TCP11L2: variants seen among roughly 807,000 people sequenced by gnomAD.
TCP11L2 encodes t-complex 11 like 2.
A neutral mutation model predicts 50.7 loss-of-function variants in TCP11L2; 39 were observed. That is an observed-to-expected ratio of 0.77 (90% CI 0.60 to 1.01). The LOEUF (loss-of-function observed/expected upper bound fraction) is 1.01, where lower values mean the gene tolerates loss of function less well. Among genes scored for constraint, TCP11L2 ranks in the 50% least tolerant of loss-of-function variants. The probability of loss-of-function intolerance (pLI) is 0.00; values close to 1 mark genes in which losing one functional copy is unlikely to be tolerated. For synonymous variants in TCP11L2, 192 were observed against 219.3 expected, an observed-to-expected ratio of 0.88 and a Z score of 1.10; for missense variants, 612 against 614.7, an observed-to-expected ratio of 1.00 and a Z score of 0.05.
chr12:106,300,246 C>A (rs768850028), upstream of TCP11L2, among the ~76,000 whole-genome samples: 52 of 152,008 alleles, frequency 3.4e-4, no homozygotes, highest in Non-Finnish European at 5.9e-5. Context: ...TGTCTGAGCC[C>A]TCTGAGCAAC....
At chr12:106,342,297 A>G (rs2036113993) in intron 9 of TCP11L2, among the ~76,000 whole-genome samples, 1 of 152,182 alleles carries the variant, frequency 6.6e-6, no homozygotes, top group South Asian at 2.1e-4. Flanking sequence ...TGCCCCCAGA[A>G]AGGAACAGTG....
rs753331344 is a variant in TCP11L2, at chr12:106,311,219, C to G, written c.144C>G (p.Ser48=). 1 of 1,613,810 alleles carries G rather than the reference C, an allele frequency of 6.2e-7. No individual in the cohort carries two copies. Among genetic ancestry groups the G allele is most frequent in the Non-Finnish European group, 8.5e-7 (1 of 1,179,930 alleles). The change falls in exon 2 of 10, where the codon TCC becomes TCG. Residue 48 remains serine (S), a synonymous_variant. Transcript: ENST00000299045. ...QSFASDSSSK[S]SSPASTSPPR... ...TTGCAAGTGACTCCTCCAGCAAATCCAGCTCTCCTGCTTGTGAGCCGATGG... is the reference window on the plus strand; with the variant it reads ...TTGCAAGTGACTCCTCCAGCAAATCGAGCTCTCCTGCTTGTGAGCCGATGG...
At chr12:106,341,863 A>G (rs948209731) in intron 9 of TCP11L2, among the ~76,000 whole-genome samples, 2 of 152,200 alleles carry the variant, frequency 1.3e-5, no homozygotes, top group African/African-American at 2.4e-5. Context: ...TAGCCTGACT[A>G]TGGTTCATGT....
At chr12:106,343,326 A>T (rs891491259) in intron 9 of TCP11L2, among the ~76,000 whole-genome samples, 2 of 152,214 alleles carry the variant, frequency 1.3e-5, no homozygotes, top group Non-Finnish European at 2.9e-5. Flanking sequence ...TCTGAAGGTC[A>T]GGCAACTAGT....
chr12:106,317,381 C>T (rs557979784), intron 3 of TCP11L2, among the ~76,000 whole-genome samples: 50 of 152,146 alleles, frequency 3.3e-4, no homozygotes, highest in Middle Eastern at 6.8e-3. Context: ...CTGGGTGTGG[C>T]AGTGCATGCC....
chr12:106,305,147 A>G (rs914063092), intron 1 of TCP11L2, among the ~76,000 whole-genome samples: 3 of 152,046 alleles, frequency 2.0e-5, no homozygotes, highest in Admixed American at 6.5e-5. Context: ...ACTGCTGTGA[A>G]CCCTTGGGCA....
In TCP11L2 at chr12:106,318,480, G is replaced by T. The variant is rs768039829; in HGVS notation, c.414+16G>T. 6.8e-6 allele frequency: 11 copies of T among 1,612,446 alleles called. No individual in the cohort carries two copies. Among genetic ancestry groups the T allele is most frequent in the Non-Finnish European group, 9.3e-6 (11 of 1,178,932 alleles). On this transcript the variant is annotated intron_variant, in intron 4 of 9. Coordinates refer to ENST00000299045, the MANE Select transcript of TCP11L2 (RefSeq NM_152772.3). ...AATCAGAGAGGCAAGTTGCTTTGTT[G>T]TCTGTGTCAGTTAGCGTCTTACTCC...
intron 8 of TCP11L2, among the ~76,000 whole-genome samples, chr12:106,337,809 T>G (rs2035968434): frequency 6.6e-6 from 1 of 152,364 alleles, no homozygotes. Context: ...GCACGTAATA[T>G]GTACTCAATG....
intron 6 of TCP11L2, among the ~76,000 whole-genome samples, chr12:106,326,570 A>G (rs1330217336): frequency 6.6e-6 from 1 of 152,196 alleles, no homozygotes; most frequent in African/African-American, 2.4e-5. Flanking sequence ...CCACTTTAGT[A>G]GTCTATGCAA....
At chr12:106,313,582 A>AAAATAAAAAAAT (rs2034941436) in intron 2 of TCP11L2, among the ~76,000 whole-genome samples, 1 of 139,334 alleles carries the variant, frequency 7.2e-6, no homozygotes, top group South Asian at 2.3e-4. Context: ...CCATCTCAAA[A>AAAATAAAAAAAT]AAATAAATAA....
chr12:106,328,408 G>A (rs138591913), intron 6 of TCP11L2, among the ~76,000 whole-genome samples: 1 of 152,356 alleles, frequency 6.6e-6, no homozygotes, highest in Non-Finnish European at 1.5e-5. Context: ...GCCGGGTGTG[G>A]TGGCGCGTGC....
rs150899007 is a variant in TCP11L2 at position 106,335,671 on chromosome 12, G to T, written c.805G>T (p.Glu269Ter). ...TGATCAGACTACAGAATGGATAAAA[G>T]AATCTGTAAATGAAGAATTATTTTC... ...ALDQTTEWIK[E>*]SVNEELFSLS... The change falls in exon 7 of 10, where the codon GAA becomes TAA. Residue 269 changes from glutamate to a stop codon, truncating the protein, a stop_gained. Transcript: ENST00000299045. LOFTEE classifies it high-confidence loss of function. 2.5e-5 allele frequency: 40 copies of T among 1,614,002 alleles called. No homozygotes were observed. Among genetic ancestry groups the T allele is most frequent in the Non-Finnish European group, 3.2e-5 (38 of 1,180,022 alleles).
At chr12:106,321,060 A>AT (rs1243256440) in intron 4 of TCP11L2, among the ~76,000 whole-genome samples, 3 of 151,932 alleles carry the variant, frequency 2.0e-5, no homozygotes, top group African/African-American at 7.3e-5. Context: ...AAGTTTGGTG[A>AT]TTTTTTTTGT....
chr12:106,300,760 G>T (rs771334665), upstream of TCP11L2, among the ~76,000 whole-genome samples: 6 of 152,152 alleles, frequency 3.9e-5, no homozygotes, highest in Non-Finnish European at 8.8e-5. Context: ...TCTTATCTCA[G>T]CTTGGTTCTC....
At chr12:106,325,541 CTGTT>C (rs1387144482) in intron 6 of TCP11L2, 1 of 152,220 alleles carries the variant, frequency 6.6e-6, no homozygotes, top group Non-Finnish European at 1.5e-5. Context: ...TTGGATTTGA[CTGTT>C]TGATGATGGT....
intron 1 of TCP11L2, chr12:106,303,701 C>T (rs1419721818): frequency 6.6e-6 from 1 of 152,160 alleles, no homozygotes. Flanking sequence ...TACTTGTTTT[C>T]GTTACTATTA....
intron 6 of TCP11L2, among the ~76,000 whole-genome samples, chr12:106,328,084 T>TA (rs1343182357): frequency 3.3e-5 from 5 of 152,376 alleles, no homozygotes; most frequent in East Asian, 3.9e-4. Context: ...TGTTATTCTT[T>TA]AAAAAAATTC....
At chr12:106,343,803 C>T (rs572469136) in intron 9 of TCP11L2, among the ~76,000 whole-genome samples, 15 of 151,596 alleles carry the variant, frequency 9.9e-5, no homozygotes, top group East Asian at 2.0e-4. Context: ...ACTACAGGTG[C>T]GGACCACCAA....
intron 4 of TCP11L2, among the ~76,000 whole-genome samples, chr12:106,318,777 C>T (rs1275823785): frequency 4.6e-5 from 7 of 152,204 alleles, no homozygotes; most frequent in Non-Finnish European, 8.8e-5. Flanking sequence ...GTGGCACAAT[C>T]TCGGCTCACT....
Sources: gnomAD v4.1 joint callset for allele counts (sites outside exome capture counted in the v4.1 genomes callset) on GRCh38, gnomAD v4.1.1 for gene constraint, MANE v1.5 for transcripts, NCBI Gene and HGNC (gene_info 2026-07-23, HGNC 2026-07-21) for gene names.